CAMTA1: variants seen among roughly 807,000 people sequenced by gnomAD.
CAMTA1 encodes the protein calmodulin binding transcription activator 1.
In CAMTA1, 27 loss-of-function variants were observed where a neutral mutation model predicts 170.9. The observed-to-expected ratio is 0.16, with a 90% CI of 0.12 to 0.22. The LOEUF is 0.22. Among genes scored for constraint, CAMTA1 ranks in the 10% least tolerant of loss-of-function variants. The pLI, the probability that CAMTA1 is intolerant of heterozygous loss-of-function variation, is 1.00. For missense variants in CAMTA1, 1,619 were observed against 2,217.2 expected, an observed-to-expected ratio of 0.73 and a Z score of 5.42; for synonymous variants, 833 against 891.5, an observed-to-expected ratio of 0.93 and a Z score of 1.17.
At chr1:6,914,903 G>C (rs1455186977) in intron 3 of CAMTA1, among the ~76,000 whole-genome samples, 1 of 152,178 alleles carries the variant, frequency 6.6e-6, no homozygotes, top group Non-Finnish European at 1.5e-5. Flanking sequence ...CACCAGTAAA[G>C]ACACACTGTA....
intron 3 of CAMTA1, among the ~76,000 whole-genome samples, chr1:6,856,035 G>A (rs1662213132): frequency 6.6e-6 from 1 of 152,178 alleles, no homozygotes; most frequent in Admixed American, 6.5e-5. Context: ...ATGGGGAGGT[G>A]TCTCACTGGA....
intron 5 of CAMTA1, among the ~76,000 whole-genome samples, chr1:7,368,203 G>A (rs775837367): frequency 4.7e-5 from 7 of 149,740 alleles, no homozygotes; most frequent in African/African-American, 1.7e-4. Context: ...CAGACACTGG[G>A]CACTCATGGT....
chr1:6,986,594 C>T lies in CAMTA1; in HGVS notation c.235-104710C>T, dbSNP rs570992012. 1.2e-4 allele frequency among the ~76,000 whole-genome samples: 18 copies of T among 152,216 alleles called. No homozygotes were observed. In the South Asian group the frequency reaches 2.7e-3, roughly 23 times the overall value. On this transcript the variant is annotated intron_variant, in intron 3 of 22. Coordinates refer to ENST00000303635, the MANE Select transcript of CAMTA1 (RefSeq NM_015215.4). ...TGTTTTTAGGTGATTTGTCAACCAT[C>T]GTCCATGGTTGTACCTGCACTGTGA...
intron 4 of CAMTA1, among the ~76,000 whole-genome samples, chr1:7,228,910 G>C (rs115317381): frequency 6.6e-6 from 1 of 152,170 alleles, no homozygotes; most frequent in East Asian, 1.9e-4. Flanking sequence ...GAGGGGGATG[G>C]GTTTGGGTCA....
At chr1:6,832,458 T>C (rs1406887556) in intron 3 of CAMTA1, among the ~76,000 whole-genome samples, 1 of 152,218 alleles carries the variant, frequency 6.6e-6, no homozygotes, top group Non-Finnish European at 1.5e-5. Context: ...TTTAATTTTT[T>C]TTCCTTTGTG....
At chr1:6,984,571 G>A (rs1469921339) in intron 3 of CAMTA1, among the ~76,000 whole-genome samples, 1 of 152,148 alleles carries the variant, frequency 6.6e-6, no homozygotes, top group Non-Finnish European at 1.5e-5. Context: ...CCGAGATGGC[G>A]CCACTGCACC....
At chr1:7,700,390 TA>T in intron 11 of CAMTA1, among the ~76,000 whole-genome samples, 1 of 152,368 alleles carries the variant, frequency 6.6e-6, no homozygotes, top group East Asian at 1.9e-4. Flanking sequence ...CTCTTATTTT[TA>T]AATTGTCACT....
At chr1:7,709,693 A>G (rs995555889) in intron 11 of CAMTA1, among the ~76,000 whole-genome samples, 21 of 152,200 alleles carry the variant, frequency 1.4e-4, no homozygotes, top group African/African-American at 5.1e-4. Context: ...GTTCTCTTTC[A>G]TATAATACAG....
At chr1:7,191,208 T>G (rs1654459680) in intron 4 of CAMTA1, among the ~76,000 whole-genome samples, 2 of 152,238 alleles carry the variant, frequency 1.3e-5, no homozygotes, top group Admixed American at 1.3e-4. Context: ...TGTTTCTTTT[T>G]AAATAAAGAG....
At chr1:6,977,933 G>C (rs1170405788) in intron 3 of CAMTA1, among the ~76,000 whole-genome samples, 1 of 152,194 alleles carries the variant, frequency 6.6e-6, no homozygotes, top group Non-Finnish European at 1.5e-5. Flanking sequence ...AGGTCATTAT[G>C]TTAAGTGAAA....
At chr1:7,391,766 G>A (rs2088747484) in intron 5 of CAMTA1, among the ~76,000 whole-genome samples, 2 of 152,156 alleles carry the variant, frequency 1.3e-5, no homozygotes, top group South Asian at 4.1e-4. Flanking sequence ...TACAGGATGT[G>A]GCCTTTTGAG....
intron 3 of CAMTA1, among the ~76,000 whole-genome samples, chr1:7,069,295 A>G (rs143143091): frequency 7.2e-5 from 11 of 152,322 alleles, no homozygotes; most frequent in Non-Finnish European, 1.6e-4. Context: ...CTCCAAGGAC[A>G]AATATGAGAC....
At chr1:7,042,319 A>G (rs1470486207) in intron 3 of CAMTA1, among the ~76,000 whole-genome samples, 1 of 151,994 alleles carries the variant, frequency 6.6e-6, no homozygotes, top group Admixed American at 6.6e-5. Flanking sequence ...CCAGTGTACC[A>G]TGGAGTGTGG....
chr1:7,187,120 G>A (rs1004390255), intron 4 of CAMTA1, among the ~76,000 whole-genome samples: 1 of 152,120 alleles, frequency 6.6e-6, no homozygotes, highest in African/African-American at 2.4e-5. Context: ...ATGAGAGAGT[G>A]GCTGGGGCAC....
At position 7,746,837 on chromosome 1, in the gene CAMTA1, A is replaced by G. The variant is rs773553191; in HGVS notation, c.4617+746A>G. Among the ~76,000 whole-genome samples, 7 of 152,182 alleles carry G rather than the reference A, an allele frequency of 4.6e-5. No homozygotes were observed. In the South Asian group the frequency reaches 6.2e-4, roughly 13 times the overall value. On this transcript the variant is annotated intron_variant, in intron 18 of 22. Transcript: ENST00000303635. Reference sequence around the variant, plus strand: ...TTTTTAGTAGAGACAGGTTTTCACAATGTTGGCCAGGCTGGTCTCGAACTC... The same window carrying G: ...TTTTTAGTAGAGACAGGTTTTCACAGTGTTGGCCAGGCTGGTCTCGAACTC...
chr1:7,745,948 G>A lies in CAMTA1; in HGVS notation c.4474G>A (p.Ala1492Thr), dbSNP rs777144009. 18 of 1,613,978 alleles carry A rather than the reference G, an allele frequency of 1.1e-5. No individual in the cohort carries two copies. In the Admixed American group the frequency reaches 1.7e-4, roughly 15 times the overall value. Residue 1492 changes from alanine to threonine, a missense_variant, in exon 18 of 23, where the codon GCC (alanine) becomes ACC (threonine). Transcript: ENST00000303635. ...IAFEKPNLPS[A>T]ADWSEFLSAS... The stretch of plus-strand genomic sequence containing the variant: ...TTTCGAGAAACCTAACCTTCCCTCC[G>A]CCGCGGATTGGTCAGAATTCCTGAG...
rs2096853983 is a variant in CAMTA1 at position 7,745,898 on chromosome 1, T to C, written c.4424T>C (p.Val1475Ala). The part of the protein sequence containing the change: ...TPSSNTSLSP[V>A]GSPVSEIAFE... ...TCTTCTAATACCAGCTTGAGCCCTGTTGGCTCTCCCGTCAGTGAAATCGCT... is the reference window on the plus strand; with the variant it reads ...TCTTCTAATACCAGCTTGAGCCCTGCTGGCTCTCCCGTCAGTGAAATCGCT... The change falls in exon 18 of 23, where the codon GTT (valine) becomes GCT (alanine). Residue 1475 changes from valine to alanine, a missense_variant. Around this residue, in one of 8 missense-constraint regions of CAMTA1, gnomAD observed 370 missense variants for 429.4 expected, o/e 0.86. Transcript: ENST00000303635. 6.2e-7 allele frequency: 1 copy of C among 1,614,130 alleles called. No individual in the cohort carries two copies. The highest frequency in any genetic ancestry group is 8.5e-7 in the Non-Finnish European group (1 of 1,180,050).
At chr1:7,704,612 GT>G (rs1219484106) in intron 11 of CAMTA1, among the ~76,000 whole-genome samples, 2 of 148,918 alleles carry the variant, frequency 1.3e-5, no homozygotes, top group Non-Finnish European at 3.0e-5. Flanking sequence ...CCGGCTCCGG[GT>G]GACGTCGCAT....
chr1:7,302,296 C>G (rs1311368467), intron 5 of CAMTA1, among the ~76,000 whole-genome samples: 1 of 152,090 alleles, frequency 6.6e-6, no homozygotes, highest in African/African-American at 2.4e-5. Flanking sequence ...TGGCCCCACT[C>G]TCCCTTTTTG....
Sources: gnomAD v4.1 joint callset for allele counts (sites outside exome capture counted in the v4.1 genomes callset) on GRCh38, gnomAD v4.1.1 for gene constraint, gnomAD v4.1.1 regional missense constraint, MANE v1.5 for transcripts, NCBI Gene and HGNC (gene_info 2026-07-23, HGNC 2026-07-21) for gene names.